CCDC175: variants seen among roughly 807,000 people sequenced by gnomAD.
CCDC175 encodes coiled-coil domain containing 175.
CCDC175 carries 100 observed loss-of-function variants against 114.6 expected under a neutral mutation model. The observed-to-expected ratio is 0.87, with a 90% CI of 0.74 to 1.03. CCDC175 has a LOEUF of 1.03. Ranked by LOEUF, CCDC175 falls within the 50% of genes least tolerant of loss-of-function variation. The pLI is 0.00. For missense variants in CCDC175, 880 were observed against 917.8 expected (o/e 0.96, Z 0.53); for synonymous variants, 306 against 308.7 (o/e 0.99, Z 0.09).
At chr14:59,557,560 A>G (rs192966196) in intron 7 of CCDC175, among the ~76,000 whole-genome samples, 84 of 151,928 alleles carry the variant, frequency 5.5e-4, no homozygotes, top group Middle Eastern at 3.4e-3. Context: ...GCACATGTAT[A>G]CATATGTAAC....
At chr14:59,575,323 G>T (rs1341761979) in intron 1 of CCDC175, among the ~76,000 whole-genome samples, 3 of 152,072 alleles carry the variant, frequency 2.0e-5, no homozygotes, top group African/African-American at 7.2e-5. Flanking sequence ...TATGTTCTGA[G>T]TGTCTAGACA....
chr14:59,568,282 T>G lies in CCDC175; in HGVS notation c.454A>C (p.Lys152Gln). Reference sequence around the variant, plus strand: ...TTATATTTTGTCAGGTCAGTTATTTTCTTCTTCAGAAGCTCTATTTCATTC... The same window carrying G: ...TTATATTTTGTCAGGTCAGTTATTTGCTTCTTCAGAAGCTCTATTTCATTC... The part of the protein sequence containing the change: ...TENEIELLKK[K>Q]ITDLTKYNEA... The change falls in exon 4 of 20, where the codon AAA (lysine) becomes CAA (glutamine). Residue 152 changes from lysine to glutamine, a missense_variant. Coordinates refer to ENST00000537690, the MANE Select transcript of CCDC175 (RefSeq NM_001164399.2). 6.5e-7 allele frequency: 1 copy of G among 1,532,942 alleles called. No individual in the cohort carries two copies. The allele number at this position is 1,532,942 out of a possible 1,614,324, so 95.0% of individuals were successfully genotyped here.
intron 15 of CCDC175, 41 bp from the exon 16 acceptor site, chr14:59,525,475 C>G (rs1169749778): frequency 6.9e-7 from 1 of 1,456,740 alleles, no homozygotes; most frequent in Non-Finnish European, 9.1e-7. Flanking sequence ...TGAGTTCAAA[C>G]AGTAGGGCAC....
chr14:59,513,901 CT>C (rs1305668859), intron 17 of CCDC175, among the ~76,000 whole-genome samples: 1 of 152,174 alleles, frequency 6.6e-6, no homozygotes, highest in Non-Finnish European at 1.5e-5. Context: ...AGTAGCGTAA[CT>C]GGGAGGCACC....
chr14:59,537,905 C>A (rs1894504876), intron 13 of CCDC175, 118 bp downstream of exon 13: 8 of 648,526 alleles, frequency 1.2e-5, no homozygotes, highest in African/African-American at 5.6e-5. Context: ...AAATTGTAGC[C>A]TCTTTCATAC....
chr14:59,525,488 G>T lies in CCDC175; in HGVS notation c.1843-54C>A. Reference sequence around the variant, plus strand: ...TCTGAGTTCAAACAGTAGGGCACGAGGGTATTATACTGCCTAGGTCACATT... The same window carrying T: ...TCTGAGTTCAAACAGTAGGGCACGATGGTATTATACTGCCTAGGTCACATT... On this transcript the variant is annotated intron_variant, in intron 15 of 19. Transcript: ENST00000537690. The T allele has an allele frequency of 3.7e-6, 5 of 1,346,050 alleles. No homozygotes were observed. In the South Asian group the frequency reaches 6.8e-5, roughly 18 times the overall value. The allele number at this position is 1,346,050 out of a possible 1,614,324, so 83.4% of individuals were successfully genotyped here. A position where few individuals can be genotyped will look rare whatever the true frequency, so the allele number is the denominator to read the frequency against.
At chr14:59,524,567 A>G (rs1044811170) in intron 16 of CCDC175, among the ~76,000 whole-genome samples, 1 of 152,230 alleles carries the variant, frequency 6.6e-6, no homozygotes, top group African/African-American at 2.4e-5. Context: ...AAATTGAAAA[A>G]GACAGTTTTG....
intron 13 of CCDC175, among the ~76,000 whole-genome samples, chr14:59,533,987 T>TAAAAAAA (rs3084296): frequency 9.0e-5 from 12 of 133,608 alleles, no homozygotes; most frequent in East Asian, 2.2e-4. Flanking sequence ...AGACCCCTTT[T>TAAAAAAA]AAAAAAAAAA....
At chr14:59,559,200 C>T (rs1033525324) in intron 7 of CCDC175, among the ~76,000 whole-genome samples, 3 of 152,116 alleles carry the variant, frequency 2.0e-5, no homozygotes, top group Non-Finnish European at 4.4e-5. Flanking sequence ...CATTTATATA[C>T]AACATTTAAC....
At chr14:59,549,754 A>T (rs1391326225) in intron 8 of CCDC175, among the ~76,000 whole-genome samples, 2 of 151,652 alleles carry the variant, frequency 1.3e-5, no homozygotes, top group Non-Finnish European at 2.9e-5. Flanking sequence ...AAAAAAAAGA[A>T]AGAAAAGAAA....
chr14:59,551,170 T>C (rs1895450702), intron 8 of CCDC175, 185 bp downstream of exon 8: 1 of 424,496 alleles, frequency 2.4e-6, no homozygotes, highest in Non-Finnish European at 4.1e-6. Context: ...TGGACAACCT[T>C]TGCTCTTTGA....
chr14:59,527,320 T>G (rs886428144), intron 14 of CCDC175, 146 bp from the exon 15 acceptor site: 11 of 479,256 alleles, frequency 2.3e-5, no homozygotes, highest in African/African-American at 1.2e-4. Context: ...CTATGTTTAC[T>G]CCTGTCTGAC....
At chr14:59,510,146 G>A (rs375168914) in intron 19 of CCDC175, among the ~76,000 whole-genome samples, 9 of 152,226 alleles carry the variant, frequency 5.9e-5, no homozygotes, top group Middle Eastern at 3.4e-3. Flanking sequence ...TGGGGATTGA[G>A]GATGAAGCTG....
At chr14:59,507,907 C>CGG (rs1431889254) in intron 19 of CCDC175, among the ~76,000 whole-genome samples, 2 of 152,166 alleles carry the variant, frequency 1.3e-5, no homozygotes, top group African/African-American at 4.8e-5. Context: ...CCGCTGGAGG[C>CGG]TATATGACCA....
chr14:59,564,326 A>T, intron 5 of CCDC175: 2 of 153,016 alleles, frequency 1.3e-5, no homozygotes. Flanking sequence ...CATCAAAGAC[A>T]GAGCAGCTTG....
chr14:59,576,257 T>G (rs1897114886), intron 1 of CCDC175, among the ~76,000 whole-genome samples: 1 of 152,206 alleles, frequency 6.6e-6, no homozygotes, highest in Admixed American at 6.5e-5. Flanking sequence ...CGGAGGAAGT[T>G]AACTTGTAAA....
At chr14:59,526,082 G>C (rs1025156779) in intron 15 of CCDC175, among the ~76,000 whole-genome samples, 6 of 152,140 alleles carry the variant, frequency 3.9e-5, no homozygotes, top group African/African-American at 1.4e-4. Flanking sequence ...AATGTTTCTT[G>C]AAGAAAGAAG....
intron 17 of CCDC175, among the ~76,000 whole-genome samples, chr14:59,515,444 T>C (rs776155711): frequency 1.3e-5 from 2 of 152,114 alleles, no homozygotes; most frequent in African/African-American, 2.4e-5. Flanking sequence ...GAGACACATA[T>C]AGGCTCAAAA....
chr14:59,554,115 C>A (rs1895710458), intron 7 of CCDC175, among the ~76,000 whole-genome samples: 1 of 152,188 alleles, frequency 6.6e-6, no homozygotes, highest in East Asian at 1.9e-4. Context: ...CCAAGCCAAC[C>A]TAATAGACAT....
Sources: allele counts gnomAD v4.1 joint callset (sites outside exome capture counted in the v4.1 genomes callset), GRCh38; gene constraint gnomAD v4.1.1; transcripts MANE v1.5; gene names NCBI Gene and HGNC (gene_info 2026-07-23, HGNC 2026-07-21).